The following BAZ2B variants were observed in gnomAD, a reference collection of about 807,000 sequenced individuals.
The protein encoded by BAZ2B is bromodomain adjacent to zinc finger domain 2B, also known as bromodomain adjacent to zinc finger domain protein 2B.
Under a neutral mutation model 246.0 loss-of-function variants are expected in BAZ2B, and 91 were observed. That is an observed-to-expected ratio of 0.37 (90% confidence interval 0.31 to 0.44). The LOEUF is 0.44. Ranked by LOEUF, BAZ2B falls within the 20% of genes least tolerant of loss-of-function variation. The pLI, the probability that BAZ2B is intolerant of heterozygous loss-of-function variation, is 1.00. For missense variants in BAZ2B, 2,332 were observed against 2,533.7 expected (o/e 0.92, Z 1.71); for synonymous variants, 855 against 860.0 (o/e 0.99, Z 0.10).
chr2:159,640,019 T>A, the BAZ2B span, among the ~76,000 whole-genome samples: 1 of 152,026 alleles, frequency 6.6e-6, no homozygotes, highest in Non-Finnish European at 1.5e-5. Flanking sequence ...AAAACATTCA[T>A]TTGGTGCCAA....
At chr2:159,450,583 C>T (rs1039014558) in intron 4 of BAZ2B, among the ~76,000 whole-genome samples, 18 of 152,126 alleles carry the variant, frequency 1.2e-4, no homozygotes, top group African/African-American at 4.3e-4. Context: ...TGTTAAGTGA[C>T]AAGCTTGTCT....
At position 159,514,706 on chromosome 2, in the gene BAZ2B, C is replaced by G. The variant is rs574130578; in HGVS notation, c.-2-35985G>C. Among the ~76,000 whole-genome samples the G allele has an allele frequency of 2.0e-5, 3 of 152,110 alleles. No homozygotes were observed. The South Asian group carries it at 6.2e-4, about 31-fold the overall frequency. On this transcript the variant is annotated intron_variant, in intron 2 of 36. Coordinates refer to ENST00000392783, the MANE Select transcript of BAZ2B (RefSeq NM_013450.4). ...AAATTATTTAAATTCTCTACAATTA[C>G]TTTCTCATTGATAAAAATGGAAGTA...
chr2:159,666,405 G>A, the BAZ2B span, among the ~76,000 whole-genome samples: 2 of 151,644 alleles, frequency 1.3e-5, no homozygotes, highest in African/African-American at 2.4e-5. Flanking sequence ...GACTACAGGC[G>A]CACACCACCA....
At chr2:159,557,928 A>G (rs2089394401) in intron 1 of BAZ2B, among the ~76,000 whole-genome samples, 1 of 152,182 alleles carries the variant, frequency 6.6e-6, no homozygotes, top group Non-Finnish European at 1.5e-5. Flanking sequence ...TTAAAAAAAA[A>G]AGCAAGGCAG....
intron 2 of BAZ2B, among the ~76,000 whole-genome samples, chr2:159,543,608 T>A (rs889073898): frequency 6.6e-6 from 1 of 150,604 alleles, no homozygotes; most frequent in Non-Finnish European, 1.5e-5. Flanking sequence ...TGATCAAGGC[T>A]CATTGCAACC....
At chr2:159,465,378 T>G (rs1410683350) in intron 3 of BAZ2B, among the ~76,000 whole-genome samples, 6 of 152,304 alleles carry the variant, frequency 3.9e-5, no homozygotes, top group East Asian at 3.9e-4. Context: ...TCTGAAGTAT[T>G]AAGGGGTTAG....
intron 30 of BAZ2B, 127 bp downstream of exon 30, chr2:159,348,551 G>A: frequency 9.0e-7 from 1 of 1,112,124 alleles, no homozygotes; most frequent in Middle Eastern, 3.1e-4. Flanking sequence ...ATCTGCGATT[G>A]GTTGAATCCA....
chr2:159,442,555 T>C (rs1176129215), intron 6 of BAZ2B, among the ~76,000 whole-genome samples: 5 of 152,240 alleles, frequency 3.3e-5, no homozygotes, highest in African/African-American at 1.2e-4. Flanking sequence ...CATTTTAAAG[T>C]GTATGGTTCA....
chr2:159,571,450 A>G (rs1683983298), intron 1 of BAZ2B, among the ~76,000 whole-genome samples: 1 of 152,160 alleles, frequency 6.6e-6, no homozygotes, highest in South Asian at 2.1e-4. Flanking sequence ...CCTGGAATTT[A>G]CTGTCTCTTA....
chr2:159,673,844 G>C, the BAZ2B span, among the ~76,000 whole-genome samples: 1 of 151,744 alleles, frequency 6.6e-6, no homozygotes, highest in Non-Finnish European at 1.5e-5. Context: ...CACACACACA[G>C]AATGAAAACC....
At chr2:159,598,338 G>C (rs536043589) in intron 1 of BAZ2B, among the ~76,000 whole-genome samples, 2 of 152,180 alleles carry the variant, frequency 1.3e-5, no homozygotes, top group South Asian at 2.1e-4. Context: ...GAAAGAATTG[G>C]GTTTACTTGA....
At chr2:159,322,161 C>T (rs1004644241) in intron 36 of BAZ2B, 5 of 151,990 alleles carry the variant, frequency 3.3e-5, no homozygotes, top group South Asian at 2.1e-4. Flanking sequence ...TTCTTCTGTG[C>T]GATAATGAAA....
At chr2:159,641,278 T>A in the BAZ2B span, among the ~76,000 whole-genome samples, 1 of 152,350 alleles carries the variant, frequency 6.6e-6, no homozygotes, top group Non-Finnish European at 1.5e-5. Flanking sequence ...GGTGTTAGTA[T>A]CTCATTGCGG....
At chr2:159,596,843 A>G (rs968657265) in intron 1 of BAZ2B, among the ~76,000 whole-genome samples, 2 of 152,202 alleles carry the variant, frequency 1.3e-5, no homozygotes, top group African/African-American at 4.8e-5. Context: ...ATCTTATCCA[A>G]GTTGCTGCAA....
At chr2:159,659,700 C>T in the BAZ2B span, among the ~76,000 whole-genome samples, 1 of 152,142 alleles carries the variant, frequency 6.6e-6, no homozygotes, top group Non-Finnish European at 1.5e-5. Flanking sequence ...CAGCTCCAGA[C>T]AAGAAGGCCA....
intron 13 of BAZ2B, among the ~76,000 whole-genome samples, chr2:159,423,166 A>T (rs1211487001): frequency 6.6e-6 from 1 of 152,014 alleles, no homozygotes; most frequent in Non-Finnish European, 1.5e-5. Flanking sequence ...ACACAAAAAA[A>T]TTAGCTGGGC....
intron 6 of BAZ2B, among the ~76,000 whole-genome samples, chr2:159,441,142 A>G (rs978193263): frequency 6.6e-6 from 1 of 152,258 alleles, no homozygotes; most frequent in Non-Finnish European, 1.5e-5. Flanking sequence ...AGGTACCTAA[A>G]CTGAAATTAA....
intron 13 of BAZ2B, among the ~76,000 whole-genome samples, chr2:159,414,934 T>C (rs950086767): frequency 5.3e-5 from 8 of 152,120 alleles, no homozygotes; most frequent in Non-Finnish European, 1.2e-4. Flanking sequence ...ACTGTGGTTA[T>C]GAGTCCTTAT....
chr2:159,671,823 A>C, the BAZ2B span, among the ~76,000 whole-genome samples: 1 of 152,160 alleles, frequency 6.6e-6, no homozygotes, highest in Non-Finnish European at 1.5e-5. Flanking sequence ...TATAATTTTT[A>C]ATCATATCAA....
Sources: allele counts gnomAD v4.1 joint callset (sites outside exome capture counted in the v4.1 genomes callset), GRCh38; gene constraint gnomAD v4.1.1; transcripts MANE v1.5; gene names NCBI Gene and HGNC (gene_info 2026-07-23, HGNC 2026-07-21).